Variants in ANKS3 observed in about 807,000 individuals in gnomAD.
ANKS3 encodes ankyrin repeat and SAM domain-containing protein 3.
In ANKS3, 62 loss-of-function variants were observed where a neutral mutation model predicts 80.7. The observed-to-expected ratio is 0.77, with a 90% CI of 0.63 to 0.95. ANKS3 has a LOEUF of 0.95. Ranked by LOEUF, ANKS3 falls within the 40% of genes least tolerant of loss-of-function variation. ANKS3 has a pLI of 0.00. For missense variants in ANKS3, 1,150 were observed against 883.6 expected, an observed-to-expected ratio of 1.30 and a Z score of -3.82; for synonymous variants, 489 against 355.3, an observed-to-expected ratio of 1.38 and a Z score of -4.23.
rs940165376 is a variant in ANKS3, at chr16:4,699,071, G to A, written c.1390C>T (p.Leu464=). Residue 464 remains leucine, a synonymous_variant, in exon 12 of 18, where the codon CTG becomes TTG. Coordinates refer to ENST00000304283, the MANE Select transcript of ANKS3 (RefSeq NM_133450.4). ...ACGCACGTGATGCCAATTTCCTTCAGGTCGCTCTCAGTGAGGGTCAGAAAG... is the reference window on the plus strand; with the variant it reads ...ACGCACGTGATGCCAATTTCCTTCAAGTCGCTCTCAGTGAGGGTCAGAAAG... The part of the protein sequence containing the change: ...RIFLTLTESD[L]KEIGITLFGP... 1 of 1,614,174 alleles carries A rather than the reference G, an allele frequency of 6.2e-7. No individual in the cohort carries two copies. Among genetic ancestry groups the A allele is most frequent in the African/African-American group, 1.3e-5 (1 of 75,064 alleles).
Position 4,696,979 on chromosome 16 carries a change from G to A in ANKS3, c.*11+38C>T, listed in dbSNP as rs374269814. ...TGCAGCCGCCCAGACAGGCCCTGCT[G>A]CTCCCACCACGCGGGATCCAGGCTG... On this transcript the variant is annotated intron_variant, in intron 17 of 17. Coordinates refer to ENST00000304283, the MANE Select transcript of ANKS3 (RefSeq NM_133450.4). 2.4e-5 allele frequency: 38 copies of A among 1,598,914 alleles called. No homozygotes were observed. In the African/African-American group the frequency reaches 4.3e-4, roughly 18 times the overall value.
chr16:4,705,324 TGAAA>T, intron 7 of ANKS3, 71 bp from the exon 8 acceptor site: 1 of 1,535,478 alleles, frequency 6.5e-7, no homozygotes, highest in Non-Finnish European at 8.9e-7. Flanking sequence ...TACGGCAAAC[TGAAA>T]GAAAGTGACT....
intron 13 of ANKS3, 90 bp from the exon 14 acceptor site, chr16:4,698,689 C>T (rs2079726225): frequency 6.6e-7 from 1 of 1,524,722 alleles, no homozygotes; most frequent in South Asian, 1.3e-5. Context: ...GTGGGGCCCT[C>T]TCCCCACTGC....
intron 6 of ANKS3, among the ~76,000 whole-genome samples, chr16:4,722,853 G>C (rs1453857428): frequency 6.6e-6 from 1 of 151,554 alleles, no homozygotes; most frequent in Non-Finnish European, 1.5e-5. Context: ...GGGAGGTAGA[G>C]GTTGCAGTGA....
chr16:4,700,916 G>A (rs1219722386), intron 11 of ANKS3, 54 bp downstream of exon 11: 1 of 1,605,700 alleles, frequency 6.2e-7, no homozygotes, highest in African/African-American at 1.3e-5. Flanking sequence ...TGCCTCCTAA[G>A]TCACAAAAAG....
At chr16:4,696,939 G>A (rs1348748390) in intron 17 of ANKS3, 43 bp from the exon 18 acceptor site, 1 of 1,338,348 alleles carries the variant, frequency 7.5e-7, no homozygotes, top group Non-Finnish European at 1.1e-6. Flanking sequence ...GGACAGGTGG[G>A]TGCATACCCA....
At chr16:4,707,034 C>G (rs535738736) in intron 7 of ANKS3, among the ~76,000 whole-genome samples, 1 of 152,292 alleles carries the variant, frequency 6.6e-6, no homozygotes, top group African/African-American at 2.4e-5. Flanking sequence ...TCCTCACACT[C>G]AAAGATCTAT....
intron 7 of ANKS3, among the ~76,000 whole-genome samples, chr16:4,712,371 C>A (rs1330176654): frequency 6.6e-6 from 1 of 151,930 alleles, no homozygotes; most frequent in East Asian, 1.9e-4. Flanking sequence ...CAGAGCAAGA[C>A]TCCATTTCAA....
chr16:4,697,851 G>A lies in ANKS3; in HGVS notation c.1810+126C>T, dbSNP rs1002411301. ...TTTTCCTTGGACTCTGGGATCATGT[G>A]CACACAGGGACCTGGGAGAGTGGCT... On this transcript the variant is annotated intron_variant, in intron 15 of 17. Coordinates refer to ENST00000304283, the MANE Select transcript of ANKS3 (RefSeq NM_133450.4). The A allele has an allele frequency of 7.7e-6, 7 of 910,688 alleles. No homozygotes were observed. The East Asian group carries it at 1.2e-4, about 15-fold the overall frequency. 56.4% of individuals were successfully genotyped at this position (910,688 alleles called of 1,614,324 possible).
chr16:4,714,049 A>T lies in ANKS3; in HGVS notation c.709+2T>A. 1.2e-6 allele frequency: 2 copies of T among 1,614,008 alleles called. No individual in the cohort carries two copies. The highest frequency in any genetic ancestry group is 1.7e-6 in the Non-Finnish European group (2 of 1,179,954). ...CAGGGCGCGGCTGGCAGGTGTGGGTACCTGGGCTCCGATAGAGGCTCTTGG... is the reference window on the plus strand; with the variant it reads ...CAGGGCGCGGCTGGCAGGTGTGGGTTCCTGGGCTCCGATAGAGGCTCTTGG... On this transcript the variant is annotated splice_donor_variant, in intron 7 of 17. Transcript: ENST00000304283. LOFTEE classifies it high-confidence loss of function.
chr16:4,709,180 G>A (rs1436718304), intron 7 of ANKS3, among the ~76,000 whole-genome samples: 1 of 151,932 alleles, frequency 6.6e-6, no homozygotes, highest in Non-Finnish European at 1.5e-5. Flanking sequence ...GCCGAGTCGG[G>A]TGGACCACCT....
chr16:4,703,298 G>A (rs1198386693), intron 8 of ANKS3, among the ~76,000 whole-genome samples: 1 of 152,192 alleles, frequency 6.6e-6, no homozygotes, highest in African/African-American at 2.4e-5. Flanking sequence ...ATTTTTTGTA[G>A]AGATAGGGTC....
chr16:4,709,132 T>A (rs369285953), intron 7 of ANKS3, among the ~76,000 whole-genome samples: 2 of 151,204 alleles, frequency 1.3e-5, no homozygotes, highest in African/African-American at 4.9e-5. Flanking sequence ...TTTTGCCGGG[T>A]GCAGCGGTTC....
chr16:4,734,198 C>A lies in ANKS3; in HGVS notation c.-331G>T, dbSNP rs1042081892. ...CCTTGCGCCGCCCTCGGGCTGCCGT[C>A]GCCAACCCCCCCCAAACAGCTCGCC... On this transcript the variant is annotated 5_prime_UTR_variant, in exon 1 of 18. Coordinates refer to ENST00000304283, the MANE Select transcript of ANKS3 (RefSeq NM_133450.4). 8.7e-5 allele frequency: 10 copies of A among 114,352 alleles called. No homozygotes were observed. The highest frequency in any genetic ancestry group is 1.3e-4 in the Non-Finnish European group (10 of 76,166). The allele number at this position is 114,352 out of a possible 1,614,324, so 7.1% of individuals were successfully genotyped here. A position where few individuals can be genotyped will look rare whatever the true frequency, so the allele number is the denominator to read the frequency against.
At chr16:4,732,096 G>A (rs904664644) in intron 1 of ANKS3, among the ~76,000 whole-genome samples, 4 of 152,106 alleles carry the variant, frequency 2.6e-5, no homozygotes, top group Non-Finnish European at 4.4e-5. Context: ...TGTGGGAGAC[G>A]AACACTTCAC....
Position 4,734,188 on chromosome 16 carries a change from G to C in ANKS3, c.-321C>G, listed in dbSNP as rs370678362. Reference sequence around the variant, plus strand: ...GGGCCTCAGGCCTTGCGCCGCCCTCGGGCTGCCGTCGCCAACCCCCCCCAA... The same window carrying C: ...GGGCCTCAGGCCTTGCGCCGCCCTCCGGCTGCCGTCGCCAACCCCCCCCAA... On this transcript the variant is annotated 5_prime_UTR_variant, in exon 1 of 18. Transcript: ENST00000304283. The C allele has an allele frequency of 8.8e-6, 2 of 227,772 alleles. No homozygotes were observed. The highest frequency in any genetic ancestry group is 1.3e-5 in the Non-Finnish European group (2 of 159,064). 14.1% of individuals were successfully genotyped at this position (227,772 alleles called of 1,614,324 possible). A position where few individuals can be genotyped will look rare whatever the true frequency, so the allele number is the denominator to read the frequency against.
Position 4,705,378 on chromosome 16 carries a change from A to G in ANKS3, c.710-125T>C. 4.2e-6 allele frequency: 5 copies of G among 1,183,526 alleles called. No homozygotes were observed. In the South Asian group the frequency reaches 7.6e-5, roughly 18 times the overall value. 73.3% of individuals were successfully genotyped at this position (1,183,526 alleles called of 1,614,324 possible). Reference sequence around the variant, plus strand: ...TAAATTAAGGAGAAGGGTATCTGCCAGGGCATCACTTCTGAGAAATGCCCT... The same window carrying G: ...TAAATTAAGGAGAAGGGTATCTGCCGGGGCATCACTTCTGAGAAATGCCCT... On this transcript the variant is annotated intron_variant, in intron 7 of 17. Transcript: ENST00000304283.
At chr16:4,724,262 T>C (rs546064967) in intron 6 of ANKS3, among the ~76,000 whole-genome samples, 3 of 152,304 alleles carry the variant, frequency 2.0e-5, no homozygotes, top group Admixed American at 1.3e-4. Flanking sequence ...AAGATGTCTA[T>C]AAGATGTCTC....
intron 10 of ANKS3, 61 bp from the exon 11 acceptor site, chr16:4,701,195 C>T: frequency 6.3e-7 from 1 of 1,597,760 alleles, no homozygotes; most frequent in Non-Finnish European, 8.6e-7. Flanking sequence ...CTTGGTGAAA[C>T]CCCCACCCGC....
Sources: allele counts gnomAD v4.1 joint callset (sites outside exome capture counted in the v4.1 genomes callset), GRCh38; gene constraint gnomAD v4.1.1; transcripts MANE v1.5; gene names NCBI Gene and HGNC (gene_info 2026-07-23, HGNC 2026-07-21).